Variants in RERE observed in about 807,000 individuals in gnomAD.
RERE encodes the protein arginine-glutamic acid dipeptide repeats, also known as arginine-glutamic acid dipeptide repeats protein.
RERE carries 40 observed loss-of-function variants against 146.1 expected under a neutral mutation model. That is an observed-to-expected ratio of 0.27 (90% CI 0.21 to 0.36). The LOEUF is 0.36. Among genes scored for constraint, RERE ranks in the 10% least tolerant of loss-of-function variants. RERE has a pLI of 1.00. For missense variants in RERE, 1,933 were observed against 2,138.7 expected (o/e 0.90, Z 1.90); for synonymous variants, 1,003 against 866.0 (o/e 1.16, Z -2.78).
chr1:8,420,499 C>T (rs1643894526), intron 12 of RERE, among the ~76,000 whole-genome samples: 1 of 152,136 alleles, frequency 6.6e-6, no homozygotes. Flanking sequence ...ATTAGCTTGG[C>T]TATGTTGATA....
At chr1:8,702,665 A>C (rs1412329422) in intron 1 of RERE, among the ~76,000 whole-genome samples, 1 of 152,202 alleles carries the variant, frequency 6.6e-6, no homozygotes, top group Non-Finnish European at 1.5e-5. Context: ...GTTTCTGATC[A>C]AAGAGCGACT....
intron 1 of RERE, among the ~76,000 whole-genome samples, chr1:8,708,404 A>G (rs1207577130): frequency 2.6e-5 from 4 of 151,960 alleles, no homozygotes; most frequent in African/African-American, 9.7e-5. Context: ...TCTGCTCACC[A>G]CAACCTCCAC....
At chr1:8,816,210 C>T (rs1221153712) in intron 1 of RERE, among the ~76,000 whole-genome samples, 2 of 152,194 alleles carry the variant, frequency 1.3e-5, no homozygotes, top group Admixed American at 1.3e-4. Context: ...TTTTGTAATT[C>T]ACCAAGTTCA....
chr1:8,733,456 G>A (rs1301894103), intron 1 of RERE, among the ~76,000 whole-genome samples: 3 of 152,178 alleles, frequency 2.0e-5, no homozygotes, highest in Non-Finnish European at 4.4e-5. Flanking sequence ...GTCTTCCAAG[G>A]CTACGTCATA....
At chr1:8,735,726 T>A (rs1640182039) in intron 1 of RERE, among the ~76,000 whole-genome samples, 1 of 152,102 alleles carries the variant, frequency 6.6e-6, no homozygotes, top group African/African-American at 2.4e-5. Context: ...GAAGTTCCCA[T>A]GAGATCTGGT....
At chr1:8,597,593 T>C (rs1364088067) in intron 4 of RERE, among the ~76,000 whole-genome samples, 4 of 152,104 alleles carry the variant, frequency 2.6e-5, no homozygotes, top group African/African-American at 9.7e-5. Context: ...TCTGACAACG[T>C]GCTAAGAACC....
chr1:8,464,725 C>T (rs934371864), intron 11 of RERE, among the ~76,000 whole-genome samples: 2 of 152,158 alleles, frequency 1.3e-5, no homozygotes, highest in Admixed American at 6.5e-5. Context: ...TTACTAAGGT[C>T]TCATCTAAAT....
At chr1:8,531,460 CA>C (rs1226897533) in intron 7 of RERE, among the ~76,000 whole-genome samples, 2 of 151,344 alleles carry the variant, frequency 1.3e-5, no homozygotes, top group Non-Finnish European at 2.9e-5. Flanking sequence ...AAAAAAAACA[CA>C]ACACAAAACA....
chr1:8,662,326 T>G (rs1238557137), intron 1 of RERE, among the ~76,000 whole-genome samples: 1 of 152,106 alleles, frequency 6.6e-6, no homozygotes, highest in Non-Finnish European at 1.5e-5. Context: ...TCAAAACCAA[T>G]TCAGACAAAG....
At chr1:8,800,045 C>T (rs1471384228) in intron 1 of RERE, among the ~76,000 whole-genome samples, 2 of 152,094 alleles carry the variant, frequency 1.3e-5, no homozygotes, top group Non-Finnish European at 2.9e-5. Context: ...AACTCCTGAC[C>T]TCAGGTGATC....
At chr1:8,664,380 G>A (rs557308676) in intron 1 of RERE, among the ~76,000 whole-genome samples, 2 of 151,924 alleles carry the variant, frequency 1.3e-5, no homozygotes, top group African/African-American at 4.8e-5. Context: ...TTTCTACCTG[G>A]CCAATCTCAT....
chr1:8,396,977 C>T (rs370999822), intron 12 of RERE, among the ~76,000 whole-genome samples: 8 of 152,318 alleles, frequency 5.3e-5, no homozygotes, highest in East Asian at 1.9e-4. Context: ...CAGTCTACCA[C>T]GTGACTGTAT....
Position 8,356,314 on chromosome 1 carries a change from G to C in RERE, c.4340-68C>G. On this transcript the variant is annotated intron_variant, in intron 20 of 22. Transcript: ENST00000400908. The surrounding 1 kb of genome is among the most constrained non-coding windows in gnomAD (Gnocchi z 5.2). The stretch of plus-strand genomic sequence containing the variant: ...CTTCAATGTTTGTCCCCCTTGGCTG[G>C]AATGACCGATGACTTCCTCCTCACC... The C allele has an allele frequency of 7.1e-7, 1 of 1,411,208 alleles. No individual in the cohort carries two copies. The highest frequency in any genetic ancestry group is 9.2e-7 in the Non-Finnish European group (1 of 1,084,424). The allele number at this position is 1,411,208 out of a possible 1,614,324, so 87.4% of individuals were successfully genotyped here.
At chr1:8,482,681 C>CAAAAAAAAAAAAAAAAAAAAAAAAAAAA (rs35501735) in intron 10 of RERE, among the ~76,000 whole-genome samples, 2 of 51,212 alleles carry the variant, frequency 3.9e-5, no homozygotes, top group Non-Finnish European at 8.7e-5. Flanking sequence ...GATTCTGTTG[C>CAAAAAAAAAAAAAAAAAAAAAAAAAAAA]AAAAAAAAAA....
At chr1:8,573,035 G>C (rs1418361758) in intron 4 of RERE, among the ~76,000 whole-genome samples, 1 of 152,154 alleles carries the variant, frequency 6.6e-6, no homozygotes, top group Non-Finnish European at 1.5e-5. Flanking sequence ...ACAGGACCTA[G>C]GAGGAAACCT....
In RERE at chr1:8,401,957, A is replaced by C. The variant is rs577605004; in HGVS notation, c.1284+20770T>G. Among the ~76,000 whole-genome samples the C allele has an allele frequency of 7.9e-5, 12 of 152,040 alleles. No individual in the cohort carries two copies. In the South Asian group the frequency reaches 2.3e-3, roughly 29 times the overall value. On this transcript the variant is annotated intron_variant, in intron 12 of 22. Transcript: ENST00000400908. ...CTCGGCTCACTGCAACCTCCACCTCAACCTTCAGGTTCAAGTGATTCTTCT... is the reference window on the plus strand; with the variant it reads ...CTCGGCTCACTGCAACCTCCACCTCCACCTTCAGGTTCAAGTGATTCTTCT...
chr1:8,432,714 G>C (rs960495448), intron 11 of RERE, among the ~76,000 whole-genome samples: 17 of 152,182 alleles, frequency 1.1e-4, no homozygotes, highest in African/African-American at 4.1e-4. Flanking sequence ...TATGATAACT[G>C]TTGGGTGGCT....
chr1:8,631,148 T>C (rs867670706), intron 2 of RERE, among the ~76,000 whole-genome samples: 2 of 152,374 alleles, frequency 1.3e-5, no homozygotes, highest in African/African-American at 4.8e-5. Flanking sequence ...TGAAAATTCC[T>C]ACATTTCTCT....
intron 1 of RERE, among the ~76,000 whole-genome samples, chr1:8,730,349 G>GT (rs1415271392): frequency 6.6e-6 from 1 of 151,924 alleles, no homozygotes; most frequent in African/African-American, 2.4e-5. Context: ...TTTTGTTTTT[G>GT]TTTTTGTTTT....
Sources: allele counts gnomAD v4.1 joint callset (sites outside exome capture counted in the v4.1 genomes callset), GRCh38; gene constraint gnomAD v4.1.1; non-coding constraint Gnocchi (gnomAD v3.1); transcripts MANE v1.5; gene names NCBI Gene and HGNC (gene_info 2026-07-23, HGNC 2026-07-21).